The following SAMD12 variants were observed in gnomAD, a reference collection of about 807,000 sequenced individuals.
SAMD12 encodes the protein sterile alpha motif domain-containing protein 12.
A neutral mutation model predicts 15.0 loss-of-function variants in SAMD12; 9 were observed. That is an observed-to-expected ratio of 0.60 (90% CI 0.36 to 1.05). SAMD12 has a LOEUF of 1.05. Ranked by LOEUF, SAMD12 falls within the 50% of genes least tolerant of loss-of-function variation. The probability of loss-of-function intolerance (pLI) is 0.01; values close to 1 mark genes in which losing one functional copy is unlikely to be tolerated. For missense variants in SAMD12, 230 were observed against 234.2 expected, an observed-to-expected ratio of 0.98 and a Z score of 0.12; for synonymous variants, 86 against 90.1, an observed-to-expected ratio of 0.96 and a Z score of 0.25.
intron 4 of SAMD12, among the ~76,000 whole-genome samples, chr8:118,274,645 T>A (rs115442535): frequency 0.036 from 5,547 of 152,270 alleles, 345 homozygotes; most frequent in African/African-American, 0.12. Context: ...CATACATATA[T>A]CTTTCCAAAT....
intron 4 of SAMD12, among the ~76,000 whole-genome samples, chr8:118,256,546 C>T (rs965662628): frequency 1.3e-5 from 2 of 151,890 alleles, no homozygotes; most frequent in Admixed American, 6.6e-5. Context: ...CTCTGCCATT[C>T]CCAAATAAAG....
intron 4 of SAMD12, among the ~76,000 whole-genome samples, chr8:118,218,938 T>G (rs1812023684): frequency 6.6e-6 from 1 of 152,182 alleles, no homozygotes; most frequent in African/African-American, 2.4e-5. Flanking sequence ...TACCAACATT[T>G]AATAATTGGG....
At chr8:118,521,802 C>G (rs1011048030) in intron 2 of SAMD12, among the ~76,000 whole-genome samples, 4 of 152,162 alleles carry the variant, frequency 2.6e-5, no homozygotes, top group African/African-American at 9.7e-5. Context: ...GCAGCCACCT[C>G]ATTTTGTTGG....
chr8:118,515,296 G>A (rs1372075391), intron 2 of SAMD12, among the ~76,000 whole-genome samples: 2 of 146,046 alleles, frequency 1.4e-5, no homozygotes, highest in Non-Finnish European at 3.0e-5. Context: ...GCCTCCCAAT[G>A]TTTAAAAGTT....
the SAMD12 span, among the ~76,000 whole-genome samples, chr8:118,135,111 A>G: frequency 1.3e-5 from 2 of 152,182 alleles, no homozygotes; most frequent in Non-Finnish European, 2.9e-5. Flanking sequence ...AAGGACACAT[A>G]CCAGTTAATT....
At chr8:118,549,792 C>T (rs952275407) in intron 2 of SAMD12, among the ~76,000 whole-genome samples, 5 of 152,040 alleles carry the variant, frequency 3.3e-5, no homozygotes, top group South Asian at 2.1e-4. Flanking sequence ...AAAATTTAGA[C>T]GAATGTATAA....
At chr8:118,211,844 G>A (rs1471344597) in intron 4 of SAMD12, among the ~76,000 whole-genome samples, 1 of 152,178 alleles carries the variant, frequency 6.6e-6, no homozygotes, top group East Asian at 1.9e-4. Flanking sequence ...CTGGAGACAG[G>A]AGGTGGAATG....
At chr8:118,455,815 T>C (rs1042852321) in intron 2 of SAMD12, among the ~76,000 whole-genome samples, 1 of 151,398 alleles carries the variant, frequency 6.6e-6, no homozygotes, top group Non-Finnish European at 1.5e-5. Flanking sequence ...ACATACATCA[T>C]ACATATATAC....
At chr8:118,232,355 A>G (rs1323836774) in intron 4 of SAMD12, among the ~76,000 whole-genome samples, 1 of 152,116 alleles carries the variant, frequency 6.6e-6, no homozygotes, top group South Asian at 2.1e-4. Flanking sequence ...AGAAGGGGAG[A>G]GAGGAAATGT....
chr8:118,571,084 TAATAC>T (rs1313889911), intron 2 of SAMD12, among the ~76,000 whole-genome samples: 2 of 152,154 alleles, frequency 1.3e-5, no homozygotes, highest in African/African-American at 4.8e-5. Flanking sequence ...CAGCATACAA[TAATAC>T]AATAAACTGT....
intron 1 of SAMD12, among the ~76,000 whole-genome samples, chr8:118,584,211 T>A (rs1827369942): frequency 6.6e-6 from 1 of 152,228 alleles, no homozygotes; most frequent in African/African-American, 2.4e-5. Context: ...CAGTAGTTGA[T>A]TTAGGTTTTT....
At chr8:118,276,666 T>C (rs1813481484) in intron 4 of SAMD12, among the ~76,000 whole-genome samples, 2 of 152,198 alleles carry the variant, frequency 1.3e-5, no homozygotes, top group Admixed American at 1.3e-4. Context: ...GTTTCATTTT[T>C]CTATATTTCT....
At chr8:118,135,508 T>A in the SAMD12 span, among the ~76,000 whole-genome samples, 5,961 of 151,808 alleles carry the variant, frequency 0.039, 383 homozygotes, top group African/African-American at 0.14. Flanking sequence ...ACGACAGACT[T>A]GAATGAGGAA....
At chr8:118,384,425 A>G (rs768154099) in intron 3 of SAMD12, among the ~76,000 whole-genome samples, 1 of 152,220 alleles carries the variant, frequency 6.6e-6, no homozygotes, top group Non-Finnish European at 1.5e-5. Context: ...TATCACAGTC[A>G]TCTAAGCAGG....
At chr8:118,167,432 G>A in the SAMD12 span, among the ~76,000 whole-genome samples, 12,957 of 152,082 alleles carry the variant, frequency 0.085, 1,378 homozygotes, top group African/African-American at 0.25. Context: ...CAGAACTTCA[G>A]TGTCAGAAAA....
At chr8:118,563,690 T>A (rs958349525) in intron 2 of SAMD12, among the ~76,000 whole-genome samples, 12 of 152,386 alleles carry the variant, frequency 7.9e-5, no homozygotes, top group Non-Finnish European at 1.8e-4. Flanking sequence ...TGCATCTCTA[T>A]AATTCACTTC....
At chr8:118,507,509 C>T in intron 2 of SAMD12, among the ~76,000 whole-genome samples, 1 of 152,018 alleles carries the variant, frequency 6.6e-6, no homozygotes, top group East Asian at 1.9e-4. Context: ...ATGGAAAAAA[C>T]CCCTGAGGCT....
the SAMD12 span, among the ~76,000 whole-genome samples, chr8:118,133,437 A>T: frequency 6.6e-6 from 1 of 152,060 alleles, no homozygotes; most frequent in Non-Finnish European, 1.5e-5. Context: ...TGCACAGATC[A>T]ATTCATCACC....
chr8:118,387,607 T>A (rs979170642), intron 3 of SAMD12, among the ~76,000 whole-genome samples: 1 of 152,204 alleles, frequency 6.6e-6, no homozygotes, highest in African/African-American at 2.4e-5. Context: ...TTAAGAGCTA[T>A]AAAACAGCTG....
Sources: gnomAD v4.1 joint callset for allele counts (sites outside exome capture counted in the v4.1 genomes callset) on GRCh38, gnomAD v4.1.1 for gene constraint, MANE v1.5 for transcripts, NCBI Gene and HGNC (gene_info 2026-07-23, HGNC 2026-07-21) for gene names.